Variants in UST observed in about 807,000 individuals in gnomAD.
UST encodes the protein chondroitin sulfate 2-O-sulfotransferase.
In UST, 21 loss-of-function variants were observed where a neutral mutation model predicts 45.6. The observed-to-expected ratio is 0.46, with a 90% CI of 0.33 to 0.66. UST has a LOEUF of 0.66. Ranked by LOEUF, UST falls within the 30% of genes least tolerant of loss-of-function variation. UST has a pLI of 0.02. For missense variants in UST, 463 were observed against 512.4 expected (o/e 0.90, Z 0.93); for synonymous variants, 215 against 200.6 (o/e 1.07, Z -0.61).
intron 1 of UST, among the ~76,000 whole-genome samples, chr6:148,823,937 C>T (rs1481414085): frequency 2.0e-5 from 3 of 152,084 alleles, no homozygotes; most frequent in African/African-American, 7.2e-5. Context: ...AATCAAAAAA[C>T]GGAATCCATG....
intron 7 of UST, among the ~76,000 whole-genome samples, chr6:149,029,403 T>C (rs556153456): frequency 7.1e-6 from 1 of 141,406 alleles, no homozygotes; most frequent in Non-Finnish European, 1.5e-5. Flanking sequence ...ATATATTATA[T>C]ATAAAATATA....
intron 2 of UST, among the ~76,000 whole-genome samples, chr6:148,897,377 A>G (rs1256672886): frequency 6.6e-6 from 1 of 151,990 alleles, no homozygotes; most frequent in African/African-American, 2.4e-5. Flanking sequence ...CATGTTGGCC[A>G]GGCTGGTCTC....
chr6:148,851,866 C>G (rs1374990050), intron 1 of UST, among the ~76,000 whole-genome samples: 1 of 152,208 alleles, frequency 6.6e-6, no homozygotes, highest in East Asian at 1.9e-4. Flanking sequence ...AGTGCCGAAA[C>G]AGAAGTGGCT....
intron 5 of UST, among the ~76,000 whole-genome samples, chr6:149,011,532 T>C (rs1775810343): frequency 6.6e-6 from 1 of 152,208 alleles, no homozygotes; most frequent in South Asian, 2.1e-4. Context: ...CAAAAAAGCA[T>C]GTATGCTGAC....
intron 5 of UST, among the ~76,000 whole-genome samples, chr6:148,987,812 G>GCGC (rs892670072): frequency 5.1e-4 from 72 of 142,396 alleles, no homozygotes; most frequent in African/African-American, 1.8e-3. Context: ...GACATCCGTA[G>GCGC]CGCCAAAACT....
At chr6:148,923,433 A>G (rs1779753182) in intron 2 of UST, among the ~76,000 whole-genome samples, 1 of 152,182 alleles carries the variant, frequency 6.6e-6, no homozygotes, top group Non-Finnish European at 1.5e-5. Flanking sequence ...TATCCTTGCC[A>G]ACATTTGTCA....
At chr6:148,831,665 C>G (rs556244314) in intron 1 of UST, among the ~76,000 whole-genome samples, 1 of 152,144 alleles carries the variant, frequency 6.6e-6, no homozygotes, top group Non-Finnish European at 1.5e-5. Flanking sequence ...TGCGGTGGCT[C>G]ATGCATGTGG....
At chr6:148,855,192 G>A (rs953162568) in intron 1 of UST, among the ~76,000 whole-genome samples, 1 of 152,190 alleles carries the variant, frequency 6.6e-6, no homozygotes, top group African/African-American at 2.4e-5. Context: ...ACCTGTGGGA[G>A]TTACTATTCA....
At chr6:148,872,547 A>C (rs1336249977) in intron 1 of UST, among the ~76,000 whole-genome samples, 1 of 147,352 alleles carries the variant, frequency 6.8e-6, no homozygotes, top group Non-Finnish European at 1.5e-5. Flanking sequence ...AAGTGACAAA[A>C]AATAAAAAAT....
chr6:149,059,578 CCTT>C (rs1776622217), intron 7 of UST, among the ~76,000 whole-genome samples: 1 of 152,198 alleles, frequency 6.6e-6, no homozygotes, highest in Non-Finnish European at 1.5e-5. Context: ...ATTGTGTACT[CCTT>C]CTAGAAGAAA....
At chr6:148,839,407 C>T (rs1777850395) in intron 1 of UST, among the ~76,000 whole-genome samples, 1 of 152,184 alleles carries the variant, frequency 6.6e-6, no homozygotes, top group Admixed American at 6.5e-5. Flanking sequence ...AACCTCTCTG[C>T]TCAGCTCCTT....
At chr6:148,858,826 C>G (rs903437604) in intron 1 of UST, among the ~76,000 whole-genome samples, 1 of 152,180 alleles carries the variant, frequency 6.6e-6, no homozygotes, top group Non-Finnish European at 1.5e-5. Flanking sequence ...AGGACGTGAA[C>G]TCATCCTTTT....
At chr6:148,829,581 C>G (rs915068713) in intron 1 of UST, among the ~76,000 whole-genome samples, 1 of 152,152 alleles carries the variant, frequency 6.6e-6, no homozygotes, top group Non-Finnish European at 1.5e-5. Context: ...TTGAGGCCAT[C>G]ATTTCTCTGC....
In UST at chr6:149,073,853, A is replaced by ATGAC. The variant is rs772858736; in HGVS notation, c.961_964dup (p.Val322AspfsTer12). 8.1e-6 allele frequency: 13 copies of ATGAC among 1,613,544 alleles called. No individual in the cohort carries two copies. Among genetic ancestry groups the ATGAC allele is most frequent in the Non-Finnish European group, 1.1e-5 (13 of 1,179,578 alleles). ...TCCAGAGCACAGGAAGCTTGGAAAC[A>ATGAC]TGACTGTGACGGTGAAGAAGACTGT... is the stretch of plus-strand genomic sequence containing the variant. On this transcript the variant is annotated frameshift_variant, in exon 8 of 8. Coordinates refer to ENST00000367463, the MANE Select transcript of UST (RefSeq NM_005715.3). LOFTEE classifies it high-confidence loss of function.
intron 1 of UST, among the ~76,000 whole-genome samples, chr6:148,863,009 C>T (rs1778350703): frequency 6.6e-6 from 1 of 152,078 alleles, no homozygotes; most frequent in African/African-American, 2.4e-5. Flanking sequence ...ATCTTTGTGG[C>T]ATTCCCTCTA....
chr6:148,790,131 C>A lies in UST; in HGVS notation c.247+42454C>A, dbSNP rs923299811. ...TCCTTGCAGCGGTGTCAGACTTTAG[C>A]TGCTTCCTGTAGCTCGTTCCCTGAC... On this transcript the variant is annotated intron_variant, in intron 1 of 7. Transcript: ENST00000367463. The surrounding 1 kb of genome is among the most constrained non-coding windows in gnomAD (Gnocchi z 4.2). 6.6e-6 allele frequency among the ~76,000 whole-genome samples: 1 copy of A among 151,968 alleles called. No individual in the cohort carries two copies. Among genetic ancestry groups the A allele is most frequent in the African/African-American group, 2.4e-5 (1 of 41,386 alleles).
chr6:148,903,535 A>C (rs1445681029), intron 2 of UST, among the ~76,000 whole-genome samples: 1 of 152,220 alleles, frequency 6.6e-6, no homozygotes, highest in Non-Finnish European at 1.5e-5. Context: ...GTGATCTTGC[A>C]CTCAGGAACA....
intron 1 of UST, among the ~76,000 whole-genome samples, chr6:148,860,032 A>G (rs145763702): frequency 0.015 from 2,265 of 152,316 alleles, 50 homozygotes; most frequent in African/African-American, 0.052. Flanking sequence ...TTCTGTGAAG[A>G]AAGTCATTGG....
intron 1 of UST, among the ~76,000 whole-genome samples, chr6:148,792,664 GTTTAAC>G (rs1291927803): frequency 6.6e-6 from 1 of 152,178 alleles, no homozygotes; most frequent in Non-Finnish European, 1.5e-5. Context: ...AAATGTTATA[GTTTAAC>G]TTTAGCCATT....
Sources: allele counts gnomAD v4.1 joint callset (sites outside exome capture counted in the v4.1 genomes callset), GRCh38; gene constraint gnomAD v4.1.1; non-coding constraint Gnocchi (gnomAD v3.1); transcripts MANE v1.5; gene names NCBI Gene and HGNC (gene_info 2026-07-23, HGNC 2026-07-21).